The following SMG6 variants were observed in gnomAD, a reference collection of about 807,000 sequenced individuals.
SMG6 encodes the protein SMG6 nonsense mediated mRNA decay factor, also known as telomerase-binding protein EST1A.
In SMG6, 66 loss-of-function variants were observed where a neutral mutation model predicts 142.2. The ratio of observed to expected loss-of-function variants is 0.46; its 90% CI spans 0.38 to 0.57. The LOEUF (loss-of-function observed/expected upper bound fraction) is 0.57. Ranked by LOEUF, SMG6 falls within the 20% of genes least tolerant of loss-of-function variation. The pLI, the probability that SMG6 is intolerant of heterozygous loss-of-function variation, is 0.00. For missense variants in SMG6, 1,793 were observed against 1,832.0 expected, an observed-to-expected ratio of 0.98 and a Z score of 0.39; for synonymous variants, 779 against 702.4, an observed-to-expected ratio of 1.11 and a Z score of -1.72.
intron 2 of SMG6, 52 bp from the exon 3 acceptor site, chr17:2,298,107 T>C (rs761447798): frequency 1.3e-6 from 2 of 1,521,424 alleles, no homozygotes; most frequent in South Asian, 1.2e-5. Context: ...CAGAAAAAGC[T>C]AGACTCAAGT....
intron 12 of SMG6, among the ~76,000 whole-genome samples, chr17:2,179,634 G>A (rs974232105): frequency 3.3e-5 from 5 of 151,628 alleles, no homozygotes; most frequent in Admixed American, 6.6e-5. Flanking sequence ...AAATGCATCC[G>A]AGCTACAATT....
intron 14 of SMG6, among the ~76,000 whole-genome samples, chr17:2,084,184 T>C (rs1191911642): frequency 6.6e-6 from 1 of 152,238 alleles, no homozygotes; most frequent in Non-Finnish European, 1.5e-5. Context: ...GGAGCTAACC[T>C]GGCTGTGCCC....
chr17:2,217,413 T>G (rs2073049538), intron 10 of SMG6, among the ~76,000 whole-genome samples: 1 of 152,032 alleles, frequency 6.6e-6, no homozygotes, highest in South Asian at 2.1e-4. Flanking sequence ...TACCAAAATG[T>G]GATCAATTGC....
rs188586820 is a variant in SMG6, at chr17:2,194,725, A to G, written c.2870-6210T>C. 4.7e-5 allele frequency among the ~76,000 whole-genome samples: 7 copies of G among 148,142 alleles called. No homozygotes were observed. The East Asian group carries it at 1.4e-3, about 29-fold the overall frequency. ...AACAAAACAAAACAAAAAAAAAAAG[A>G]AAGAAACATCAAAAGAGGCTGGAGA... is the stretch of plus-strand genomic sequence containing the variant. On this transcript the variant is annotated intron_variant, in intron 10 of 18. Coordinates refer to ENST00000263073, the MANE Select transcript of SMG6 (RefSeq NM_017575.5).
chr17:2,186,548 TAGAG>T (rs1046343748), intron 12 of SMG6, 111 bp downstream of exon 12: 3 of 1,211,722 alleles, frequency 2.5e-6, no homozygotes, highest in African/African-American at 3.1e-5. Context: ...AAAGAAGAAA[TAGAG>T]AGGCAGGCAG....
chr17:2,080,728 C>T (rs1597353029), intron 15 of SMG6, among the ~76,000 whole-genome samples: 3 of 152,068 alleles, frequency 2.0e-5, no homozygotes, highest in South Asian at 2.1e-4. Context: ...CTCCGCCTCC[C>T]GGGTTCAAGC....
At chr17:2,205,657 A>G (rs910079983) in intron 10 of SMG6, among the ~76,000 whole-genome samples, 2 of 152,212 alleles carry the variant, frequency 1.3e-5, no homozygotes, top group East Asian at 1.9e-4. Context: ...TTAGAAAGGA[A>G]TAAGTATATC....
chr17:2,157,429 A>C (rs929429700), intron 13 of SMG6, among the ~76,000 whole-genome samples: 1 of 152,228 alleles, frequency 6.6e-6, no homozygotes, highest in East Asian at 1.9e-4. Context: ...TTTCTGGCAC[A>C]CTGACCCAAC....
chr17:2,069,129 G>A (rs1214889150), intron 15 of SMG6, among the ~76,000 whole-genome samples, 198 bp from the exon 16 acceptor site: 1 of 152,058 alleles, frequency 6.6e-6, no homozygotes, highest in Non-Finnish European at 1.5e-5. Context: ...GAGCTCAAGG[G>A]GCCCAGGGAA....
intron 13 of SMG6, among the ~76,000 whole-genome samples, chr17:2,135,660 T>C (rs1306612215): frequency 6.6e-6 from 1 of 152,206 alleles, no homozygotes; most frequent in Non-Finnish European, 1.5e-5. Context: ...AGAATTGATT[T>C]TTCAATTTTA....
At chr17:2,093,498 A>G (rs1225194358) in intron 13 of SMG6, among the ~76,000 whole-genome samples, 5 of 152,150 alleles carry the variant, frequency 3.3e-5, no homozygotes, top group Middle Eastern at 3.2e-3. Flanking sequence ...GTGCTCGATA[A>G]TTGAGCAGCT....
chr17:2,147,541 C>T (rs72815348), intron 13 of SMG6, among the ~76,000 whole-genome samples: 49,706 of 151,526 alleles, frequency 0.33, 9,054 homozygotes, highest in Admixed American at 0.42. Context: ...GTTCAAGTCC[C>T]GCCTGGGCAA....
chr17:2,082,186 G>A, intron 14 of SMG6: 1 of 545,674 alleles, frequency 1.8e-6, no homozygotes, highest in Admixed American at 3.1e-5. Flanking sequence ...TTTTCCCTCA[G>A]AGAGTTACAC....
At chr17:2,190,976 C>A (rs954703135) in intron 10 of SMG6, among the ~76,000 whole-genome samples, 1 of 152,170 alleles carries the variant, frequency 6.6e-6, no homozygotes, top group Non-Finnish European at 1.5e-5. Flanking sequence ...GCCATGTTAC[C>A]TAGAGCACCT....
chr17:2,151,854 G>C (rs1164560223), intron 13 of SMG6, among the ~76,000 whole-genome samples: 1 of 152,200 alleles, frequency 6.6e-6, no homozygotes, highest in Non-Finnish European at 1.5e-5. Context: ...CCTGTCTGCT[G>C]CTGCCAATTT....
At chr17:2,138,324 C>T (rs777684473) in intron 13 of SMG6, among the ~76,000 whole-genome samples, 8 of 152,106 alleles carry the variant, frequency 5.3e-5, no homozygotes, top group Non-Finnish European at 5.9e-5. Context: ...AGCCTGTCCC[C>T]CATCTACAGG....
intron 10 of SMG6, among the ~76,000 whole-genome samples, chr17:2,197,239 C>T (rs528429330): frequency 2.0e-4 from 30 of 152,158 alleles, no homozygotes; most frequent in African/African-American, 6.3e-4. Flanking sequence ...ACATATCTGC[C>T]GAAGAACTAG....
chr17:2,100,710 A>G (rs2068982450), intron 13 of SMG6, among the ~76,000 whole-genome samples: 1 of 152,086 alleles, frequency 6.6e-6, no homozygotes, highest in Non-Finnish European at 1.5e-5. Context: ...CATCCAGCTA[A>G]TTTTTAAAAA....
intron 10 of SMG6, among the ~76,000 whole-genome samples, chr17:2,227,293 T>C (rs1441630835): frequency 2.0e-5 from 3 of 152,206 alleles, no homozygotes; most frequent in Non-Finnish European, 4.4e-5. Flanking sequence ...GCAGCTTTAT[T>C]CATACTAGTG....
Sources: allele counts gnomAD v4.1 joint callset (sites outside exome capture counted in the v4.1 genomes callset), GRCh38; gene constraint gnomAD v4.1.1; transcripts MANE v1.5; gene names NCBI Gene and HGNC (gene_info 2026-07-23, HGNC 2026-07-21).